Variants in PDE3B observed in about 807,000 individuals in gnomAD.
PDE3B encodes the protein phosphodiesterase 3B.
A neutral mutation model predicts 116.8 loss-of-function variants in PDE3B; 66 were observed. That is an observed-to-expected ratio of 0.56 (90% confidence interval 0.46 to 0.69). The LOEUF (loss-of-function observed/expected upper bound fraction) is 0.69. PDE3B is among the 30% of genes least tolerant of loss of function. The pLI, the probability that PDE3B is intolerant of heterozygous loss-of-function variation, is 0.00. For missense variants in PDE3B, 1,384 were observed against 1,368.1 expected (o/e 1.01, Z -0.18); for synonymous variants, 595 against 533.6 (o/e 1.12, Z -1.59).
At chr11:14,776,065 A>G (rs1302088332) in intron 2 of PDE3B, 1 of 152,228 alleles carries the variant, frequency 6.6e-6, no homozygotes, top group East Asian at 1.9e-4. Flanking sequence ...GGACCCTAGT[A>G]CAGGAAAAAC....
chr11:14,680,781 A>G (rs1254199004), intron 1 of PDE3B, among the ~76,000 whole-genome samples: 1 of 60,012 alleles, frequency 1.7e-5, no homozygotes, highest in Non-Finnish European at 4.7e-5. Flanking sequence ...AAATGACTTC[A>G]AAAAAAAAAA....
chr11:14,892,065 T>C, the PDE3B span: 5 of 1,612,226 alleles, frequency 3.1e-6, no homozygotes, highest in Admixed American at 1.7e-5. Flanking sequence ...TGCCGATAAA[T>C]GGCAGCCCCG....
Position 14,859,148 on chromosome 11 carries a change from C to G in PDE3B, c.2626C>G (p.His876Asp). The G allele has an allele frequency of 6.2e-7, 1 of 1,613,408 alleles. No homozygotes were observed. The highest frequency in any genetic ancestry group is 8.5e-7 in the Non-Finnish European group (1 of 1,179,510). ...PEYNFLLHLD[H>D]VEFKRFRFLV... is the part of the protein sequence containing the mutation. Reference sequence around the variant, plus strand: ...ATACAACTTCCTTCTTCATCTTGATCATGTGGAATTCAAGCGCTTTCGTTT... The same window carrying G: ...ATACAACTTCCTTCTTCATCTTGATGATGTGGAATTCAAGCGCTTTCGTTT... The change falls in exon 13 of 16, where the codon CAT (histidine) becomes GAT (aspartate). Residue 876 changes from histidine to aspartate, a missense_variant. Transcript: ENST00000282096.
At chr11:14,884,065 A>C in the PDE3B span, among the ~76,000 whole-genome samples, 1 of 152,052 alleles carries the variant, frequency 6.6e-6, no homozygotes, top group Non-Finnish European at 1.5e-5. Flanking sequence ...AATTAGGAAT[A>C]CTTTTACACT....
intron 12 of PDE3B, among the ~76,000 whole-genome samples, chr11:14,844,332 T>C (rs1847540872): frequency 6.6e-6 from 1 of 152,172 alleles, no homozygotes; most frequent in Non-Finnish European, 1.5e-5. Flanking sequence ...TCTGACTGTA[T>C]TTAAGATTTC....
chr11:14,862,928 C>T (rs1847977721), intron 14 of PDE3B, among the ~76,000 whole-genome samples: 1 of 151,990 alleles, frequency 6.6e-6, no homozygotes, highest in Non-Finnish European at 1.5e-5. Flanking sequence ...GACACATGTG[C>T]AGAAGGTGCA....
chr11:14,803,670 A>G (rs1858836955), intron 4 of PDE3B, among the ~76,000 whole-genome samples: 1 of 152,234 alleles, frequency 6.6e-6, no homozygotes. Flanking sequence ...TATTGAAACA[A>G]AACCATACCC....
chr11:14,766,151 C>T (rs1359215920), intron 1 of PDE3B, among the ~76,000 whole-genome samples: 1 of 151,594 alleles, frequency 6.6e-6, no homozygotes, highest in Admixed American at 6.6e-5. Flanking sequence ...TATTTTATAT[C>T]AGTGTATATT....
intron 1 of PDE3B, among the ~76,000 whole-genome samples, chr11:14,737,983 G>A (rs1483123641): frequency 6.6e-6 from 1 of 152,144 alleles, no homozygotes; most frequent in Non-Finnish European, 1.5e-5. Flanking sequence ...ATTCCATGGT[G>A]TATATGTGCC....
chr11:14,814,813 T>A (rs1303562472), intron 5 of PDE3B, among the ~76,000 whole-genome samples: 1 of 151,836 alleles, frequency 6.6e-6, no homozygotes, highest in African/African-American at 2.4e-5. Context: ...CACAAAAAAA[T>A]TAGCTGGGCG....
chr11:14,877,993 G>C, the PDE3B span: 1 of 922,386 alleles, frequency 1.1e-6, no homozygotes, highest in Non-Finnish European at 1.7e-6. Context: ...ACTATTTTAA[G>C]ACACATCTGT....
intron 15 of PDE3B, among the ~76,000 whole-genome samples, chr11:14,869,154 C>A (rs12295371): frequency 6.6e-6 from 1 of 152,256 alleles, no homozygotes; most frequent in Non-Finnish European, 1.5e-5. Flanking sequence ...TCCCTCTCCA[C>A]CATACCCAGC....
chr11:14,859,072 G>C lies in PDE3B; in HGVS notation c.2550G>C (p.Leu850=). 6.2e-7 allele frequency: 1 copy of C among 1,613,132 alleles called. No individual in the cohort carries two copies. The highest frequency in any genetic ancestry group is 8.5e-7 in the Non-Finnish European group (1 of 1,179,498). Residue 850 remains leucine (L), a synonymous_variant, in exon 13 of 16, where the codon CTG becomes CTC. Coordinates refer to ENST00000282096, the MANE Select transcript of PDE3B (RefSeq NM_000922.4). The stretch of plus-strand genomic sequence containing the variant: ...TTTTATACAATGACAGATCTGTTCT[G>C]GAAAATCATCATGCTGCGTCAGCTT... ...QAVLYNDRSV[L]ENHHAASAWN...
chr11:14,826,714 C>T (rs993677700), intron 7 of PDE3B, among the ~76,000 whole-genome samples: 3 of 152,084 alleles, frequency 2.0e-5, no homozygotes, highest in African/African-American at 7.2e-5. Context: ...CAAAGAAGAG[C>T]TGGTACTATT....
chr11:14,721,475 G>A (rs930852981), intron 1 of PDE3B, among the ~76,000 whole-genome samples: 274 of 151,446 alleles, frequency 1.8e-3, no homozygotes, highest in African/African-American at 6.4e-3. Flanking sequence ...ACATGCACAC[G>A]TATGTTTATT....
At chr11:14,674,693 A>T (rs2133786001) in intron 1 of PDE3B, 1 of 202,600 alleles carries the variant, frequency 4.9e-6, no homozygotes, top group East Asian at 1.5e-4. Flanking sequence ...ACAACTAATT[A>T]ATTTCTGCTT....
chr11:14,659,792 G>T (rs1481155460), intron 1 of PDE3B, among the ~76,000 whole-genome samples: 1 of 152,100 alleles, frequency 6.6e-6, no homozygotes, highest in African/African-American at 2.4e-5. Flanking sequence ...TTTTTGCTGT[G>T]ACTATTTCTA....
chr11:14,664,625 G>C (rs546458579), intron 1 of PDE3B, among the ~76,000 whole-genome samples: 1 of 152,120 alleles, frequency 6.6e-6, no homozygotes, highest in Non-Finnish European at 1.5e-5. Context: ...ACCGTCAGAG[G>C]ATACTACAAA....
At chr11:14,683,643 CTAT>C (rs1219477640) in intron 1 of PDE3B, among the ~76,000 whole-genome samples, 2 of 151,554 alleles carry the variant, frequency 1.3e-5, no homozygotes, top group Admixed American at 1.3e-4. Flanking sequence ...TTAATTTTCT[CTAT>C]TATTTTTCTG....
Sources: allele counts gnomAD v4.1 joint callset (sites outside exome capture counted in the v4.1 genomes callset), GRCh38; gene constraint gnomAD v4.1.1; transcripts MANE v1.5; gene names NCBI Gene and HGNC (gene_info 2026-07-23, HGNC 2026-07-21).